The following CCDC88B variants were observed in gnomAD, a reference collection of about 807,000 sequenced individuals.
The protein encoded by CCDC88B is coiled-coil and HOOK domain protein 88B.
In CCDC88B, 138 loss-of-function variants were observed where a neutral mutation model predicts 183.7. The ratio of observed to expected loss-of-function variants is 0.75; its 90% CI spans 0.65 to 0.87. The LOEUF is 0.87. CCDC88B is among the 40% of genes least tolerant of loss of function. The probability of loss-of-function intolerance (pLI) is 0.00; values close to 1 mark genes in which losing one functional copy is unlikely to be tolerated. For synonymous variants in CCDC88B, 835 were observed against 867.5 expected, an observed-to-expected ratio of 0.96 and a Z score of 0.66; for missense variants, 1,822 against 1,965.6, an observed-to-expected ratio of 0.93 and a Z score of 1.38.
At chr11:64,352,411 C>T (rs773277179) in intron 19 of CCDC88B, 25 bp downstream of exon 19, 2 of 1,508,266 alleles carry the variant, frequency 1.3e-6, no homozygotes, top group South Asian at 1.2e-5. Flanking sequence ...ATGCCCAGCT[C>T]CTCCCCTGGC....
Position 64,354,123 on chromosome 11 carries a change from G to T in CCDC88B, c.4052G>T (p.Gly1351Val). ...GCTGGCAGCACCGAGAGCCTGGGGG[G>T]CCCCCCGGAGACGGAGCTTCCTGAG... Reference protein sequence around the residue: ...DGAGSTESLGGPPETELPEGR... With the variant: ...DGAGSTESLGVPPETELPEGR... The change falls in exon 24 of 27, where the codon GGC becomes GTC. Residue 1351 changes from glycine to valine, a missense_variant. Physicochemically the swap from Gly to Val is moderately radical, Grantham distance 109. Transcript: ENST00000356786. The T allele has an allele frequency of 7.3e-7, 1 of 1,374,552 alleles. No individual in the cohort carries two copies. Among genetic ancestry groups the T allele is most frequent in the South Asian group, 2.0e-5 (1 of 49,300 alleles). The allele number at this position is 1,374,552 out of a possible 1,614,324, so 85.1% of individuals were successfully genotyped here.
rs760613975 is a variant in CCDC88B, at chr11:64,342,550, G to T, written c.932G>T (p.Arg311Leu). ...EAQALSGQAK[R>L]AELYREEAEA... ...CAGGCGCTGTCGGGACAGGCCAAGC[G>T]GGCCGAGCTGTACCGCGAGGAGGCA... Residue 311 changes from arginine (R) to leucine (L), a missense_variant, in exon 10 of 27, where the codon CGG (arginine) becomes CTG (leucine). Coordinates refer to ENST00000356786, the MANE Select transcript of CCDC88B (RefSeq NM_032251.6). The T allele has an allele frequency of 4.6e-6, 7 of 1,531,004 alleles. No homozygotes were observed. In the Admixed American group the frequency reaches 1.4e-4, roughly 30 times the overall value. 94.8% of individuals were successfully genotyped at this position (1,531,004 alleles called of 1,614,324 possible). A position where few individuals can be genotyped will look rare whatever the true frequency, so the allele number is the denominator to read the frequency against.
chr11:64,356,844 T>G, intron 26 of CCDC88B, 195 bp from the exon 27 acceptor site: 2 of 537,686 alleles, frequency 3.7e-6, no homozygotes, highest in South Asian at 3.0e-5. Context: ...GAGGGGAGAG[T>G]TTGTCGTGTG....
At chr11:64,352,926 C>A in intron 20 of CCDC88B, 39 bp downstream of exon 20, 1 of 1,528,628 alleles carries the variant, frequency 6.5e-7, no homozygotes, top group South Asian at 1.3e-5. Context: ...CTCTCAGTGG[C>A]CCCATCCTGA....
chr11:64,357,245 C>T lies in CCDC88B; in HGVS notation c.*151C>T, dbSNP rs1384458920. The T allele has an allele frequency of 7.6e-6, 7 of 923,100 alleles. No homozygotes were observed. Among genetic ancestry groups the T allele is most frequent in the Admixed American group, 3.9e-5 (2 of 51,452 alleles). The allele number at this position is 923,100 out of a possible 1,614,324, so 57.2% of individuals were successfully genotyped here. On this transcript the variant is annotated 3_prime_UTR_variant, in exon 27 of 27. Transcript: ENST00000356786. ...GGGCCCTGAGATCCTCCACGGTCAGCGCCGGGGCCCGGAGATGGAGCTGGG... is the reference window on the plus strand; with the variant it reads ...GGGCCCTGAGATCCTCCACGGTCAGTGCCGGGGCCCGGAGATGGAGCTGGG...
chr11:64,343,255 G>T lies in CCDC88B; in HGVS notation c.1139G>T (p.Arg380Leu), dbSNP rs1019024898. Residue 380 changes from arginine to leucine, a missense_variant, in exon 11 of 27, where the codon CGC becomes CTC. Coordinates refer to ENST00000356786, the MANE Select transcript of CCDC88B (RefSeq NM_032251.6). ...GAGCAGCTGGAGGCTGCCCGAGAGC[G>T]CTGCGCCCGGCTGCACGAGACCCAG... ...LEEQLEAARE[R>L]CARLHETQRE... The T allele has an allele frequency of 1.9e-6, 3 of 1,548,470 alleles. No individual in the cohort carries two copies. Among genetic ancestry groups the T allele is most frequent in the African/African-American group, 2.7e-5 (2 of 73,010 alleles).
intron 11 of CCDC88B, 73 bp from the exon 12 acceptor site, chr11:64,343,434 A>G: frequency 6.5e-7 from 1 of 1,541,260 alleles, no homozygotes; most frequent in Non-Finnish European, 8.8e-7. Flanking sequence ...GGTGACCTCT[A>G]GTGACCCTCC....
In CCDC88B at chr11:64,340,718, G is replaced by A. The variant is rs753198688; in HGVS notation, c.172G>A (p.Asp58Asn). 6.8e-6 allele frequency: 11 copies of A among 1,612,326 alleles called. No homozygotes were observed. The African/African-American group carries it at 1.5e-4, about 22-fold the overall frequency. Residue 58 changes from aspartate to asparagine, a missense_variant, in exon 2 of 27, where the codon GAT becomes AAT. Transcript: ENST00000356786. ...GGAGAAGAGATTCCTGCGCCTCAGC[G>A]ATGGGGCCCTGCTCCTCCGGGTGCT... ...WLEKRFLRLS[D>N]GALLLRVLGI...
At chr11:64,350,042 C>T in intron 16 of CCDC88B, 1 of 296,784 alleles carries the variant, frequency 3.4e-6, no homozygotes, top group South Asian at 4.6e-5. Context: ...GTGGTGGGGC[C>T]CAATCCCAGG....
At chr11:64,345,862 C>G (rs2036086413) in intron 14 of CCDC88B, among the ~76,000 whole-genome samples, 2 of 152,110 alleles carry the variant, frequency 1.3e-5, no homozygotes, top group African/African-American at 4.8e-5. Context: ...CAAAAATCAG[C>G]CAGGCGTGGT....
At chr11:64,355,464 G>A in intron 25 of CCDC88B, 64 bp downstream of exon 25, 1 of 1,583,362 alleles carries the variant, frequency 6.3e-7, no homozygotes, top group Non-Finnish European at 8.6e-7. Flanking sequence ...CCAGCTCCTT[G>A]GGGGAGGAGG....
rs770156176 is a variant in CCDC88B, at chr11:64,357,249, G to A, written c.*155G>A. ...CCTGAGATCCTCCACGGTCAGCGCC[G>A]GGGCCCGGAGATGGAGCTGGGACGA... On this transcript the variant is annotated 3_prime_UTR_variant, in exon 27 of 27. Transcript: ENST00000356786. 5 of 895,636 alleles carry A rather than the reference G, an allele frequency of 5.6e-6. No individual in the cohort carries two copies. Among genetic ancestry groups the A allele is most frequent in the Admixed American group, 2.0e-5 (1 of 51,150 alleles). 55.5% of individuals were successfully genotyped at this position (895,636 alleles called of 1,614,324 possible). A position where few individuals can be genotyped will look rare whatever the true frequency, so the allele number is the denominator to read the frequency against.
At chr11:64,349,860 G>A in intron 16 of CCDC88B, 192 bp downstream of exon 16, 2 of 612,010 alleles carry the variant, frequency 3.3e-6, no homozygotes, top group South Asian at 3.9e-5. Context: ...CTTATCTGGG[G>A]TCTCATTTTC....
intron 18 of CCDC88B, 33 bp from the exon 19 acceptor site, chr11:64,352,097 C>T (rs1288475010): frequency 6.6e-7 from 1 of 1,518,542 alleles, no homozygotes; most frequent in Non-Finnish European, 8.8e-7. Context: ...GGGGTTCCTC[C>T]CCAGCAGCCC....
rs761317080 is a variant in CCDC88B, at chr11:64,353,998, C to T, written c.3933-6C>T. 2 of 1,485,758 alleles carry T rather than the reference C, an allele frequency of 1.3e-6. No individual in the cohort carries two copies. The highest frequency in any genetic ancestry group is 2.3e-5 in the Admixed American group (1 of 43,908). 92.0% of individuals were successfully genotyped at this position (1,485,758 alleles called of 1,614,324 possible). A position where few individuals can be genotyped will look rare whatever the true frequency, so the allele number is the denominator to read the frequency against. ...CTGACCCCCTCTTGTGCCCTCTTGC[C>T]CCCAGGAAGGGCAGCTGGCTGGCAG... is the stretch of plus-strand genomic sequence containing the variant. On this transcript the variant is annotated splice_region_variant and splice_polypyrimidine_tract_variant and intron_variant, in intron 23 of 26. Transcript: ENST00000356786.
At chr11:64,352,538 TC>T in intron 19 of CCDC88B, 152 bp downstream of exon 19, 1 of 1,340,272 alleles carries the variant, frequency 7.5e-7, no homozygotes, top group Non-Finnish European at 9.9e-7. Context: ...GTAGCTGTGC[TC>T]CCCACACTTC....
At position 64,349,422 on chromosome 11, in the gene CCDC88B, A is replaced by G. The variant is rs779044368; in HGVS notation, c.2708A>G (p.Gln903Arg). 45 of 1,602,696 alleles carry G rather than the reference A, an allele frequency of 2.8e-5. No homozygotes were observed. The highest frequency in any genetic ancestry group is 3.7e-5 in the Non-Finnish European group (44 of 1,173,778). The change falls in exon 15 of 27, where the codon CAG (glutamine) becomes CGG (arginine). Residue 903 changes from glutamine (Q) to arginine (R), a missense_variant. Gln to Arg is a conservative substitution (Grantham distance 43, BLOSUM62 1). Transcript: ENST00000356786. ...CTGGAGCAGGCGGCTCTCGAGCGCC[A>G]GGAATTTCTGCGAGAAAAGGAAAGC... ...RELEQAALERQEFLREKESQH... is the reference protein window; with the variant it reads ...RELEQAALERREFLREKESQH...
At chr11:64,343,015 G>T (rs1482995276) in intron 10 of CCDC88B, among the ~76,000 whole-genome samples, 164 bp from the exon 11 acceptor site, 7 of 151,404 alleles carry the variant, frequency 4.6e-5, no homozygotes, top group South Asian at 2.1e-4. Flanking sequence ...AGATCTTGGT[G>T]GGAAGAAGAT....
Position 64,344,965 on chromosome 11 carries a change from C to G in CCDC88B, c.2424C>G (p.Ser808=), listed in dbSNP as rs754820066. ...EAAGQELESA[S]QEREALVEAL... Reference sequence around the variant, plus strand: ...CTGGCCAGGAGCTGGAGTCTGCGTCCCAGGAACGGGAGGCGCTGGTGGAGG... The same window carrying G: ...CTGGCCAGGAGCTGGAGTCTGCGTCGCAGGAACGGGAGGCGCTGGTGGAGG... Residue 808 remains serine, a synonymous_variant, in exon 14 of 27, where the codon TCC becomes TCG. Transcript: ENST00000356786. This position sits in a 1 kb window ranked among gnomAD's most constrained non-coding sequence, Gnocchi z 4.5. 15 of 1,550,532 alleles carry G rather than the reference C, an allele frequency of 9.7e-6. 1 individual carries two copies. The South Asian group carries it at 1.8e-4, about 18-fold the overall frequency.
Sources: allele counts gnomAD v4.1 joint callset (sites outside exome capture counted in the v4.1 genomes callset), GRCh38; gene constraint gnomAD v4.1.1; non-coding constraint Gnocchi (gnomAD v3.1); transcripts MANE v1.5; gene names NCBI Gene and HGNC (gene_info 2026-07-23, HGNC 2026-07-21).